Variants in PBX4 observed in about 807,000 individuals in gnomAD.
The protein encoded by PBX4 is pre-B-cell leukemia transcription factor 4.
A neutral mutation model predicts 35.1 loss-of-function variants in PBX4; 26 were observed. The observed-to-expected ratio is 0.74, with a 90% CI of 0.54 to 1.03. The LOEUF (loss-of-function observed/expected upper bound fraction) is 1.03. PBX4 is among the 50% of genes least tolerant of loss of function. The probability of loss-of-function intolerance (pLI) is 0.00; values close to 1 mark genes in which losing one functional copy is unlikely to be tolerated. For missense variants in PBX4, 448 were observed against 504.3 expected (o/e 0.89, Z 1.07); for synonymous variants, 199 against 204.2 (o/e 0.97, Z 0.22).
At chr19:19,570,497 G>T (rs772036688) in intron 3 of PBX4, 89 bp downstream of exon 3, 15 of 1,553,860 alleles carry the variant, frequency 9.7e-6, no homozygotes, top group Non-Finnish European at 1.3e-5. Flanking sequence ...CCTGTTCTGC[G>T]CCACGAAAGA....
intron 4 of PBX4, among the ~76,000 whole-genome samples, 187 bp from the exon 5 acceptor site, chr19:19,569,771 A>C (rs969498577): frequency 6.6e-6 from 1 of 152,156 alleles, no homozygotes; most frequent in Non-Finnish European, 1.5e-5. Flanking sequence ...TTAGCTGGGC[A>C]TGGTGGCGGG....
intron 1 of PBX4, among the ~76,000 whole-genome samples, chr19:19,614,916 T>C (rs1027225868): frequency 2.0e-5 from 3 of 151,646 alleles, no homozygotes; most frequent in Admixed American, 6.6e-5. Flanking sequence ...TCCCAGCACT[T>C]TGGGAGGCCG....
At chr19:19,570,332 A>C (rs1279360899) in intron 3 of PBX4, 33 bp from the exon 4 acceptor site, 3 of 1,568,464 alleles carry the variant, frequency 1.9e-6, no homozygotes, top group Non-Finnish European at 2.6e-6. Flanking sequence ...CCGGCCTGTG[A>C]CTAGGCAGCA....
intron 1 of PBX4, among the ~76,000 whole-genome samples, chr19:19,602,854 T>C (rs2061606431): frequency 6.6e-6 from 1 of 152,020 alleles, no homozygotes; most frequent in Non-Finnish European, 1.5e-5. Context: ...CATATGCAAA[T>C]CAACCAATCA....
Position 19,563,886 on chromosome 19 carries a change from C to A in PBX4, c.926-271G>T. On this transcript the variant is annotated intron_variant, in intron 6 of 7. Transcript: ENST00000251203. This position sits in a 1 kb window ranked among gnomAD's most constrained non-coding sequence, Gnocchi z 5.1. ...GCAGTGGCACGATCTTGGCTCACTG[C>A]AAGCTCTGCCTCCCAGGTTCACACC... The A allele has an allele frequency of 3.2e-6, 1 of 309,288 alleles. No homozygotes were observed. The highest frequency in any genetic ancestry group is 6.3e-6 in the Non-Finnish European group (1 of 159,352). 19.2% of individuals were successfully genotyped at this position (309,288 alleles called of 1,614,324 possible).
At chr19:19,590,597 T>C (rs1956705959) in intron 2 of PBX4, among the ~76,000 whole-genome samples, 1 of 152,084 alleles carries the variant, frequency 6.6e-6, no homozygotes, top group Admixed American at 6.6e-5. Flanking sequence ...GCCTCCCGAT[T>C]AGCTGGGATT....
At chr19:19,588,056 TG>T in intron 2 of PBX4, 3 of 669,958 alleles carry the variant, frequency 4.5e-6, no homozygotes, top group Non-Finnish European at 8.0e-6. Flanking sequence ...CAGCTTGATG[TG>T]GGGCGGTGGG....
intron 1 of PBX4, among the ~76,000 whole-genome samples, chr19:19,602,545 G>A (rs1346818528): frequency 1.3e-5 from 2 of 151,996 alleles, no homozygotes; most frequent in Non-Finnish European, 2.9e-5. Context: ...CAATCCTCCC[G>A]CCTCAGCTCC....
At chr19:19,598,971 G>A (rs920910951) in intron 2 of PBX4, among the ~76,000 whole-genome samples, 42 of 144,804 alleles carry the variant, frequency 2.9e-4, no homozygotes, top group African/African-American at 9.5e-4. Flanking sequence ...AGGCTGGAGT[G>A]CAATGGCGTG....
chr19:19,609,521 C>T (rs1389463636), intron 1 of PBX4, among the ~76,000 whole-genome samples: 1 of 141,124 alleles, frequency 7.1e-6, no homozygotes, highest in East Asian at 2.1e-4. Flanking sequence ...TGCACTCCAG[C>T]CTGGGCAACA....
intron 2 of PBX4, among the ~76,000 whole-genome samples, chr19:19,576,224 T>TA (rs942237592): frequency 1.0e-3 from 53 of 51,792 alleles, no homozygotes; most frequent in East Asian, 3.4e-3. Flanking sequence ...ATCCTGTTTC[T>TA]AAAAAAATTT....
At chr19:19,570,066 T>C (rs1310531531) in intron 4 of PBX4, 43 bp downstream of exon 4, 1 of 1,530,402 alleles carries the variant, frequency 6.5e-7, no homozygotes, top group African/African-American at 1.4e-5. Flanking sequence ...CTCCAGTCCC[T>C]CAGAGCCGGC....
At chr19:19,617,526 C>T (rs1405261783) in intron 1 of PBX4, among the ~76,000 whole-genome samples, 1 of 152,098 alleles carries the variant, frequency 6.6e-6, no homozygotes, top group African/African-American at 2.4e-5. Context: ...TCAAGCAATC[C>T]TCCTGCCTCA....
At chr19:19,603,315 C>CT (rs991500309) in intron 1 of PBX4, among the ~76,000 whole-genome samples, 121 of 151,628 alleles carry the variant, frequency 8.0e-4, no homozygotes, top group Non-Finnish European at 1.3e-3. Context: ...TTCTTTTTTT[C>CT]TTTTTTTTCT....
intron 2 of PBX4, among the ~76,000 whole-genome samples, chr19:19,584,732 T>C (rs1013673104): frequency 2.0e-5 from 3 of 151,484 alleles, no homozygotes; most frequent in East Asian, 3.9e-4. Context: ...TTCAAGCGAT[T>C]CTCCTGCCTC....
At chr19:19,590,738 G>C (rs1001412592) in intron 2 of PBX4, among the ~76,000 whole-genome samples, 2 of 152,132 alleles carry the variant, frequency 1.3e-5, no homozygotes, top group African/African-American at 4.8e-5. Flanking sequence ...CAAAGTGCTG[G>C]AATTACAGGT....
intron 2 of PBX4, among the ~76,000 whole-genome samples, chr19:19,599,000 C>T (rs1276805305): frequency 1.3e-5 from 2 of 150,410 alleles, no homozygotes; most frequent in East Asian, 2.0e-4. Context: ...TCACCGCACA[C>T]TCTTGTTGCC....
chr19:19,617,966 G>A (rs577062100), intron 1 of PBX4, among the ~76,000 whole-genome samples: 2 of 152,184 alleles, frequency 1.3e-5, no homozygotes, highest in African/African-American at 4.8e-5. Context: ...AGGAGTTTAA[G>A]CAACTATAGC....
chr19:19,605,840 ATT>A (rs71338333), intron 1 of PBX4, among the ~76,000 whole-genome samples: 2,521 of 123,034 alleles, frequency 0.02, 29 homozygotes, highest in Middle Eastern at 0.03. Flanking sequence ...AGGCTCTAGG[ATT>A]TTTTTTTTTT....
Sources: allele counts gnomAD v4.1 joint callset (sites outside exome capture counted in the v4.1 genomes callset), GRCh38; gene constraint gnomAD v4.1.1; non-coding constraint Gnocchi (gnomAD v3.1); transcripts MANE v1.5; gene names NCBI Gene and HGNC (gene_info 2026-07-23, HGNC 2026-07-21).